The following C16orf92 variants were observed in gnomAD, a reference collection of about 807,000 sequenced individuals.
C16orf92 encodes fertilization-influencing membrane protein.
Under a neutral mutation model 13.7 loss-of-function variants are expected in C16orf92, and 14 were observed. The observed-to-expected ratio is 1.02, with a 90% CI of 0.67 to 1.60. The LOEUF is 1.60. Among genes scored for constraint, C16orf92 ranks in the 40% most tolerant of loss-of-function variants. The pLI is 0.00. For missense variants in C16orf92, 116 were observed against 139.0 expected (o/e 0.83, Z 0.83); for synonymous variants, 50 against 57.4 (o/e 0.87, Z 0.58).
rs2070997108 is a variant in C16orf92, at chr16:30,024,454, A to C, written c.*227A>C. 3.2e-6 allele frequency: 2 copies of C among 634,394 alleles called. No individual in the cohort carries two copies. The highest frequency in any genetic ancestry group is 1.8e-5 in the African/African-American group (1 of 54,670). 39.3% of individuals were successfully genotyped at this position (634,394 alleles called of 1,614,324 possible). On this transcript the variant is annotated 3_prime_UTR_variant, in exon 4 of 4. Transcript: ENST00000681219. ...GCGTTCACGCAGATCGTCTTTTATTAGCGGTCTGTAAAGCACCTCCCAGGG... is the reference window on the plus strand; with the variant it reads ...GCGTTCACGCAGATCGTCTTTTATTCGCGGTCTGTAAAGCACCTCCCAGGG...
At chr16:30,026,392 C>G (rs1375532035), downstream of C16orf92, among the ~76,000 whole-genome samples, 1 of 152,160 alleles carries the variant, frequency 6.6e-6, no homozygotes, top group Non-Finnish European at 1.5e-5. Context: ...AGAGCCACAG[C>G]CGGGCATCGT....
Position 30,023,394 on chromosome 16 carries a change from C to T in C16orf92, c.54C>T (p.Ala18=), listed in dbSNP as rs762443832. 2 of 1,611,532 alleles carry T rather than the reference C, an allele frequency of 1.2e-6. No homozygotes were observed. Among genetic ancestry groups the T allele is most frequent in the South Asian group, 2.2e-5 (2 of 90,430 alleles). The change falls in exon 1 of 4, where the codon GCC becomes GCT. Residue 18 remains alanine (A), a synonymous_variant. Transcript: ENST00000681219. ...LVWVWLAALG[A]IETAPRPKRA... ...GGGTGTGGCTGGCTGCACTAGGGGCCATAGAAACTGGTAAGAAGCTGTCTT... is the reference window on the plus strand; with the variant it reads ...GGGTGTGGCTGGCTGCACTAGGGGCTATAGAAACTGGTAAGAAGCTGTCTT...
rs1229107928 is a variant in C16orf92 at position 30,024,291 on chromosome 16, A to G, written c.*64A>G. On this transcript the variant is annotated 3_prime_UTR_variant, in exon 4 of 4. Coordinates refer to ENST00000681219, the MANE Select transcript of C16orf92 (RefSeq NM_001109659.2). Reference sequence around the variant, plus strand: ...ACACCCACCTCCTCTCCTGTTGATGAGCAAAAGTTCCCTGCTTTCCTCCTC... The same window carrying G: ...ACACCCACCTCCTCTCCTGTTGATGGGCAAAAGTTCCCTGCTTTCCTCCTC... The G allele has an allele frequency of 6.4e-7, 1 of 1,566,674 alleles. No individual in the cohort carries two copies. The highest frequency in any genetic ancestry group is 8.8e-7 in the Non-Finnish European group (1 of 1,140,666).
At chr16:30,026,584 GC>G, downstream of C16orf92, 1 of 895,282 alleles carries the variant, frequency 1.1e-6, no homozygotes, top group Non-Finnish European at 1.8e-6. Flanking sequence ...CCCGCACCCC[GC>G]CCGCCCAGCT....
chr16:30,025,958 G>T, downstream of C16orf92: 1 of 680,266 alleles, frequency 1.5e-6, no homozygotes, highest in Non-Finnish European at 2.5e-6. This position sits in a 1 kb window ranked among gnomAD's most constrained non-coding sequence, Gnocchi z 4.1. Context: ...GCAGGGCTGG[G>T]TGCAGTGGCT....
chr16:30,024,386 T>C lies in C16orf92; in HGVS notation c.*159T>C. The C allele has an allele frequency of 2.0e-6, 2 of 1,010,760 alleles. No homozygotes were observed. Among genetic ancestry groups the C allele is most frequent in the Non-Finnish European group, 1.4e-6 (1 of 704,776 alleles). The allele number at this position is 1,010,760 out of a possible 1,614,324, so 62.6% of individuals were successfully genotyped here. A position where few individuals can be genotyped will look rare whatever the true frequency, so the allele number is the denominator to read the frequency against. On this transcript the variant is annotated 3_prime_UTR_variant, in exon 4 of 4. Coordinates refer to ENST00000681219, the MANE Select transcript of C16orf92 (RefSeq NM_001109659.2). The stretch of plus-strand genomic sequence containing the variant: ...CCCATGGCCCAAGCCCCCCACCTCC[T>C]CCCTTCCCAGCCCCAAAGAACTTGG...
chr16:30,024,691 A>G lies in C16orf92; in HGVS notation c.*464A>G. On this transcript the variant is annotated 3_prime_UTR_variant, in exon 4 of 4. Transcript: ENST00000681219. ...AAATTTGGGTAAATAAATAAAATAA[A>G]TAAGATTCCTCAAGCTGGCCTACCC... The G allele has an allele frequency of 5.5e-6, 1 of 183,370 alleles. No homozygotes were observed. The highest frequency in any genetic ancestry group is 2.3e-3 in the Middle Eastern group (1 of 436). The allele number at this position is 183,370 out of a possible 1,614,324, so 11.4% of individuals were successfully genotyped here.
In C16orf92 at chr16:30,023,203, T is replaced by C. The variant is rs4788213; in HGVS notation, c.-138T>C. On this transcript the variant is annotated 5_prime_UTR_variant, in exon 1 of 4. Transcript: ENST00000681219. ...GGGTGAAGACTGGTCCCAACCTCTC[T>C]TCTCCTCTCCTCTTCTGATGAGAGT... 0.45 allele frequency: 321,212 copies of C among 709,034 alleles called. 73,770 individuals are homozygous for C. The highest frequency in any genetic ancestry group is 0.48 in the African/African-American group (27,033 of 56,240). The allele number at this position is 709,034 out of a possible 1,614,324, so 43.9% of individuals were successfully genotyped here.
Position 30,023,741 on chromosome 16 carries a change from C to G in C16orf92, c.79C>G (p.Arg27Gly). ...TTGGGTCCTAGCACCCAGACCCAAGCGTGCCACGGCGTCAGCCCTGGGGAC... is the reference window on the plus strand; with the variant it reads ...TTGGGTCCTAGCACCCAGACCCAAGGGTGCCACGGCGTCAGCCCTGGGGAC... ...GAIETAPRPK[R>G]ATASALGTES... The change falls in exon 2 of 4, where the codon CGT becomes GGT. Residue 27 changes from arginine (R) to glycine (G), a missense_variant. By Grantham distance (125) the Arg-to-Gly change is moderately radical. Coordinates refer to ENST00000681219, the MANE Select transcript of C16orf92 (RefSeq NM_001109659.2). 1 of 1,613,982 alleles carries G rather than the reference C, an allele frequency of 6.2e-7. No individual in the cohort carries two copies. Among genetic ancestry groups the G allele is most frequent in the Non-Finnish European group, 8.5e-7 (1 of 1,179,898 alleles).
chr16:30,024,146 A>T, intron 3 of C16orf92, 60 bp downstream of exon 3: 1 of 1,610,554 alleles, frequency 6.2e-7, no homozygotes. Flanking sequence ...GAGCGGCTGA[A>T]GACCCCAGTT....
At chr16:30,027,614 C>T (rs1382872497), downstream of C16orf92, 18 of 455,898 alleles carry the variant, frequency 3.9e-5, no homozygotes, top group South Asian at 2.2e-4. Flanking sequence ...GACAGCCAAG[C>T]GTTAAGGGGA....
downstream of C16orf92, chr16:30,025,387 G>C (rs375702968): frequency 8.7e-6 from 14 of 1,610,442 alleles, no homozygotes; most frequent in Non-Finnish European, 1.1e-5. The surrounding 1 kb of genome is among the most constrained non-coding windows in gnomAD (Gnocchi z 4.1). Context: ...GGTAGGGAAA[G>C]AGCAGCACCC....
chr16:30,026,614 A>T, downstream of C16orf92: 1 of 1,598,378 alleles, frequency 6.3e-7, no homozygotes, highest in Non-Finnish European at 8.6e-7. Context: ...CTCACCACTG[A>T]GAGTGGGAAG....
At chr16:30,026,605 T>C (rs368888914), downstream of C16orf92, 4 of 1,497,694 alleles carry the variant, frequency 2.7e-6, no homozygotes, top group Non-Finnish European at 3.7e-6. Flanking sequence ...TCCCCGGGAC[T>C]CACCACTGAG....
downstream of C16orf92, chr16:30,025,785 A>G: frequency 6.2e-7 from 1 of 1,614,118 alleles, no homozygotes; most frequent in Non-Finnish European, 8.5e-7. This position sits in a 1 kb window ranked among gnomAD's most constrained non-coding sequence, Gnocchi z 4.1. Context: ...ATCAACATGC[A>G]ACCCAGAAAG....
In C16orf92 at chr16:30,023,293, C is replaced by T. The variant is rs1432120720; in HGVS notation, c.-48C>T. Reference sequence around the variant, plus strand: ...CCCTCACCCCAAAGTGCCATCAGAACAGCTCTGGGCTGTGACATCACAGAG... The same window carrying T: ...CCCTCACCCCAAAGTGCCATCAGAATAGCTCTGGGCTGTGACATCACAGAG... On this transcript the variant is annotated 5_prime_UTR_variant, in exon 1 of 4. It introduces an in-frame stop codon into an upstream open reading frame of the 5' UTR. Coordinates refer to ENST00000681219, the MANE Select transcript of C16orf92 (RefSeq NM_001109659.2). 2 of 1,537,658 alleles carry T rather than the reference C, an allele frequency of 1.3e-6. No individual in the cohort carries two copies. The highest frequency in any genetic ancestry group is 1.8e-6 in the Non-Finnish European group (2 of 1,129,912).
At chr16:30,027,522 G>C (rs2071201295), downstream of C16orf92, 1 of 452,652 alleles carries the variant, frequency 2.2e-6, no homozygotes, top group East Asian at 7.0e-5. Flanking sequence ...AGACCCTGTT[G>C]GCAAGTGAGA....
Position 30,023,198 on chromosome 16 carries a change from C to A in C16orf92, c.-143C>A. On this transcript the variant is annotated 5_prime_UTR_variant, in exon 1 of 4. Coordinates refer to ENST00000681219, the MANE Select transcript of C16orf92 (RefSeq NM_001109659.2). Reference sequence around the variant, plus strand: ...CCAGGGGGTGAAGACTGGTCCCAACCTCTCTTCTCCTCTCCTCTTCTGATG... The same window carrying A: ...CCAGGGGGTGAAGACTGGTCCCAACATCTCTTCTCCTCTCCTCTTCTGATG... 1 of 671,558 alleles carries A rather than the reference C, an allele frequency of 1.5e-6. No individual in the cohort carries two copies. 41.6% of individuals were successfully genotyped at this position (671,558 alleles called of 1,614,324 possible).
At chr16:30,023,625 A>G in intron 1 of C16orf92, 102 bp from the exon 2 acceptor site, 1 of 1,589,966 alleles carries the variant, frequency 6.3e-7, no homozygotes, top group Non-Finnish European at 8.6e-7. Flanking sequence ...AGCCTCTGCA[A>G]TAAGGCTGGG....
Sources: allele counts gnomAD v4.1 joint callset (sites outside exome capture counted in the v4.1 genomes callset), GRCh38; gene constraint gnomAD v4.1.1; non-coding constraint Gnocchi (gnomAD v3.1); transcripts MANE v1.5; gene names NCBI Gene and HGNC (gene_info 2026-07-23, HGNC 2026-07-21).